The following OTOGL variants were observed in gnomAD, a reference collection of about 807,000 sequenced individuals.
The protein encoded by OTOGL is otogelin like.
Under a neutral mutation model 318.5 loss-of-function variants are expected in OTOGL, and 285 were observed. The ratio of observed to expected loss-of-function variants is 0.89; its 90% CI spans 0.81 to 0.99. OTOGL has a LOEUF of 0.99. Among genes scored for constraint, OTOGL ranks in the 50% least tolerant of loss-of-function variants. The probability of loss-of-function intolerance (pLI) is 0.00; values close to 1 mark genes in which losing one functional copy is unlikely to be tolerated. For missense variants in OTOGL, 2,899 were observed against 2,845.6 expected, an observed-to-expected ratio of 1.02 and a Z score of -0.43; for synonymous variants, 987 against 936.5, an observed-to-expected ratio of 1.05 and a Z score of -0.99.
Position 80,345,140 on chromosome 12 carries a change from T to C in OTOGL, c.5265+2978T>C, listed in dbSNP as rs1332538892. 2.2e-5 allele frequency among the ~76,000 whole-genome samples: 3 copies of C among 137,088 alleles called. No homozygotes were observed. In the Admixed American group the frequency reaches 2.4e-4, roughly 11 times the overall value. 89.9% of individuals were successfully genotyped at this position (137,088 alleles called of 152,430 possible). A position where few individuals can be genotyped will look rare whatever the true frequency, so the allele number is the denominator to read the frequency against. ...TTATTATGTTATATATTATAATATA[T>C]ATTATATGTTATATTATATATTATG... On this transcript the variant is annotated intron_variant, in intron 44 of 58. Transcript: ENST00000547103.
At chr12:80,264,818 TG>T (rs1417544192) in intron 19 of OTOGL, among the ~76,000 whole-genome samples, 182 bp from the exon 20 acceptor site, 9 of 152,118 alleles carry the variant, frequency 5.9e-5, no homozygotes, top group Non-Finnish European at 1.0e-4. Flanking sequence ...GTCTGTTGAA[TG>T]TGGATTAAGT....
chr12:80,146,661 G>C (rs1872387987), intron 1 of OTOGL, among the ~76,000 whole-genome samples: 1 of 151,978 alleles, frequency 6.6e-6, no homozygotes, highest in South Asian at 2.1e-4. Flanking sequence ...ACCTCTGCTA[G>C]AATTCAGCTG....
intron 7 of OTOGL, among the ~76,000 whole-genome samples, chr12:80,223,116 C>T (rs200916871): frequency 5.3e-5 from 8 of 152,068 alleles, no homozygotes; most frequent in Middle Eastern, 6.8e-3. Flanking sequence ...TTCCCACTTA[C>T]GAGTGAGAAC....
intron 7 of OTOGL, among the ~76,000 whole-genome samples, chr12:80,224,041 C>G (rs1565909896): frequency 6.6e-6 from 1 of 152,154 alleles, no homozygotes; most frequent in East Asian, 1.9e-4. Flanking sequence ...ATGTTATATT[C>G]TAGAATTTGT....
intron 1 of OTOGL, among the ~76,000 whole-genome samples, chr12:80,112,709 C>CTTTTTTT (rs144605517): frequency 7.1e-6 from 1 of 140,220 alleles, no homozygotes; most frequent in Non-Finnish European, 1.5e-5. Context: ...AATTTTCTTT[C>CTTTTTTT]TTTTTTTTTT....
At chr12:80,238,185 C>G (rs1344683455) in intron 9 of OTOGL, among the ~76,000 whole-genome samples, 1 of 152,190 alleles carries the variant, frequency 6.6e-6, no homozygotes, top group African/African-American at 2.4e-5. Flanking sequence ...ACTCCTGAAT[C>G]TTGCCTGAGA....
intron 1 of OTOGL, among the ~76,000 whole-genome samples, chr12:80,153,595 G>A (rs1187380428): frequency 6.6e-6 from 1 of 151,962 alleles, no homozygotes; most frequent in Non-Finnish European, 1.5e-5. Context: ...GTTCATTCTT[G>A]GTGTTATACA....
chr12:80,370,758 TA>T, intron 56 of OTOGL, 69 bp downstream of exon 56: 2 of 1,205,648 alleles, frequency 1.7e-6, no homozygotes, highest in South Asian at 1.8e-5. Context: ...TGATATTTTC[TA>T]AGGTCATACT....
At chr12:80,371,326 C>T (rs1002510997) in intron 56 of OTOGL, among the ~76,000 whole-genome samples, 2 of 151,904 alleles carry the variant, frequency 1.3e-5, no homozygotes, top group African/African-American at 4.8e-5. Flanking sequence ...AGAAATAGTA[C>T]AGTCTAGTCT....
chr12:80,279,092 G>C lies in OTOGL; in HGVS notation c.2854G>C (p.Gly952Arg). The C allele has an allele frequency of 1.9e-6, 3 of 1,592,484 alleles. No homozygotes were observed. Among genetic ancestry groups the C allele is most frequent in the Non-Finnish European group, 2.6e-6 (3 of 1,174,900 alleles). ...ATGCCCAGCAGTGTGCACAATATACGGGGACCGACATTATTATTCTTTTGA... is the reference window on the plus strand; with the variant it reads ...ATGCCCAGCAGTGTGCACAATATACCGGGACCGACATTATTATTCTTTTGA... ...YPCPAVCTIY[G>R]DRHYYSFDGL... is the part of the protein sequence containing the mutation. Residue 952 changes from glycine to arginine, a missense_variant, in exon 26 of 59, where the codon GGG (glycine) becomes CGG (arginine). Transcript: ENST00000547103.
chr12:80,374,534 A>G (rs1891074833), intron 57 of OTOGL, among the ~76,000 whole-genome samples: 1 of 152,204 alleles, frequency 6.6e-6, no homozygotes, highest in African/African-American at 2.4e-5. Flanking sequence ...GCACGTTTTC[A>G]TTCAGAATTC....
intron 27 of OTOGL, among the ~76,000 whole-genome samples, chr12:80,298,876 G>A (rs563199493): frequency 6.6e-6 from 1 of 152,252 alleles, no homozygotes; most frequent in South Asian, 2.1e-4. Flanking sequence ...CAAGATATTT[G>A]AACCTCATTT....
At chr12:80,366,512 TA>T in intron 52 of OTOGL, 61 bp from the exon 53 acceptor site, 1 of 107,198 alleles carries the variant, frequency 9.3e-6, no homozygotes. Context: ...ATATATAGGT[TA>T]TATATATATA....
At chr12:80,197,252 A>C (rs576024312) in intron 1 of OTOGL, among the ~76,000 whole-genome samples, 20 of 152,276 alleles carry the variant, frequency 1.3e-4, no homozygotes, top group Non-Finnish European at 2.9e-5. Context: ...CCTAAAATGT[A>C]TAAAACCAAG....
chr12:80,144,546 C>T (rs10778714), intron 1 of OTOGL, among the ~76,000 whole-genome samples: 75,704 of 146,044 alleles, frequency 0.52, 20,667 homozygotes, highest in African/African-American at 0.7. Context: ...AGCAGCATGA[C>T]TTATAGTCCT....
chr12:80,222,908 C>A (rs1878483306), intron 7 of OTOGL, among the ~76,000 whole-genome samples: 3 of 151,794 alleles, frequency 2.0e-5, no homozygotes, highest in South Asian at 4.2e-4. Context: ...CCTGAAACTT[C>A]TTTTTTTTCA....
At chr12:80,220,268 TC>T (rs1878178480) in intron 6 of OTOGL, among the ~76,000 whole-genome samples, 1 of 152,114 alleles carries the variant, frequency 6.6e-6, no homozygotes, top group South Asian at 2.1e-4. Flanking sequence ...CAAGCGATTC[TC>T]CCACCTCAGC....
chr12:80,129,347 T>C (rs894981412), intron 1 of OTOGL, among the ~76,000 whole-genome samples: 27 of 152,342 alleles, frequency 1.8e-4, no homozygotes, highest in African/African-American at 6.5e-4. Context: ...GACTTGTCAA[T>C]ACTTTGGCCT....
At chr12:80,250,749 T>A (rs902268168) in intron 11 of OTOGL, among the ~76,000 whole-genome samples, 13 of 152,192 alleles carry the variant, frequency 8.5e-5, no homozygotes, top group African/African-American at 2.9e-4. Context: ...ATGTTAAGCC[T>A]CACAAAATGC....
Sources: allele counts gnomAD v4.1 joint callset (sites outside exome capture counted in the v4.1 genomes callset), GRCh38; gene constraint gnomAD v4.1.1; transcripts MANE v1.5; gene names NCBI Gene and HGNC (gene_info 2026-07-23, HGNC 2026-07-21).